The following SLC24A3 variants were observed in gnomAD, a reference collection of about 807,000 sequenced individuals.
SLC24A3 encodes solute carrier family 24 member 3.
Under a neutral mutation model 75.8 loss-of-function variants are expected in SLC24A3, and 28 were observed. The observed-to-expected ratio is 0.37, with a 90% CI of 0.27 to 0.51. The LOEUF (loss-of-function observed/expected upper bound fraction) is 0.51. SLC24A3 is among the 20% of genes least tolerant of loss of function. The pLI is 0.94. For missense variants in SLC24A3, 663 were observed against 847.8 expected, an observed-to-expected ratio of 0.78 and a Z score of 2.71; for synonymous variants, 372 against 334.1, an observed-to-expected ratio of 1.11 and a Z score of -1.24.
At chr20:19,214,552 A>G (rs1215951479) in intron 1 of SLC24A3, among the ~76,000 whole-genome samples, 1 of 152,228 alleles carries the variant, frequency 6.6e-6, no homozygotes, top group Non-Finnish European at 1.5e-5. Flanking sequence ...TCTATGAGAC[A>G]TAGAGTTCCC....
chr20:19,614,127 G>A (rs2031705717), intron 6 of SLC24A3, among the ~76,000 whole-genome samples: 1 of 152,182 alleles, frequency 6.6e-6, no homozygotes, highest in Non-Finnish European at 1.5e-5. Context: ...AATTGAGAGT[G>A]TGATTAAGAG....
chr20:19,341,320 C>T (rs1985268487), intron 2 of SLC24A3, among the ~76,000 whole-genome samples: 1 of 152,082 alleles, frequency 6.6e-6, no homozygotes, highest in African/African-American at 2.4e-5. Flanking sequence ...TGGGACCTGC[C>T]CAGACATAAC....
chr20:19,662,550 G>C (rs2032339595), intron 7 of SLC24A3, among the ~76,000 whole-genome samples: 2 of 152,244 alleles, frequency 1.3e-5, no homozygotes. Context: ...TGGCAGGCTG[G>C]ACATGGAGGG....
rs945619373 is a variant in SLC24A3 at position 19,550,140 on chromosome 20, A to G, written c.349-29860A>G. ...GCTTTGAGTTGCCAAGATAGCATTT[A>G]CTAAATTTGGTCATAAAAAATGTTC... On this transcript the variant is annotated intron_variant, in intron 3 of 16. Coordinates refer to ENST00000328041, the MANE Select transcript of SLC24A3 (RefSeq NM_020689.4). Among the ~76,000 whole-genome samples, 8 of 152,230 alleles carry G rather than the reference A, an allele frequency of 5.3e-5. No homozygotes were observed. The East Asian group carries it at 1.5e-3, about 29-fold the overall frequency.
chr20:19,718,157 T>C (rs910072050), intron 16 of SLC24A3, among the ~76,000 whole-genome samples: 3 of 152,192 alleles, frequency 2.0e-5, no homozygotes, highest in African/African-American at 7.2e-5. Context: ...AGACACAATA[T>C]GTTTTTTCCT....
intron 7 of SLC24A3, among the ~76,000 whole-genome samples, chr20:19,657,225 G>C (rs1760987119): frequency 6.6e-6 from 1 of 152,210 alleles, no homozygotes; most frequent in Non-Finnish European, 1.5e-5. Flanking sequence ...AGAAGAAATA[G>C]AAAAGATAAA....
At chr20:19,306,040 A>G (rs1253294993) in intron 2 of SLC24A3, among the ~76,000 whole-genome samples, 1 of 140,152 alleles carries the variant, frequency 7.1e-6, no homozygotes, top group African/African-American at 2.6e-5. Context: ...CACAAAACAA[A>G]TAACCCATTA....
intron 1 of SLC24A3, among the ~76,000 whole-genome samples, chr20:19,223,694 C>T (rs1305153634): frequency 1.5e-5 from 2 of 137,592 alleles, no homozygotes; most frequent in Non-Finnish European, 3.3e-5. Context: ...CTCAAAATAT[C>T]TTCTTGTACT....
At chr20:19,275,528 G>A (rs1398022007) in intron 1 of SLC24A3, among the ~76,000 whole-genome samples, 1 of 152,172 alleles carries the variant, frequency 6.6e-6, no homozygotes, top group Non-Finnish European at 1.5e-5. Flanking sequence ...GTTCACATAG[G>A]AGACAGTGTT....
chr20:19,282,692 G>A (rs1443385757), intron 2 of SLC24A3, among the ~76,000 whole-genome samples: 7 of 152,210 alleles, frequency 4.6e-5, no homozygotes, highest in African/African-American at 9.6e-5. Context: ...TTCTGGTATG[G>A]GAAAGAATGG....
chr20:19,639,846 A>G (rs1031002347), intron 6 of SLC24A3, among the ~76,000 whole-genome samples: 1 of 152,232 alleles, frequency 6.6e-6, no homozygotes, highest in African/African-American at 2.4e-5. Context: ...TGGGGGACCC[A>G]TTACACCCTC....
At chr20:19,559,304 G>T (rs549023584) in intron 3 of SLC24A3, among the ~76,000 whole-genome samples, 1 of 151,928 alleles carries the variant, frequency 6.6e-6, no homozygotes, top group Admixed American at 6.6e-5. Context: ...TTTTTAATTG[G>T]ATTATTTCTT....
chr20:19,478,787 A>T (rs917816282), intron 2 of SLC24A3, among the ~76,000 whole-genome samples: 13 of 152,226 alleles, frequency 8.5e-5, no homozygotes, highest in African/African-American at 3.1e-4. Context: ...ATGTTACATG[A>T]TGAGGAACTG....
At chr20:19,645,149 A>G (rs2032121628) in intron 6 of SLC24A3, among the ~76,000 whole-genome samples, 1 of 152,204 alleles carries the variant, frequency 6.6e-6, no homozygotes, top group African/African-American at 2.4e-5. Context: ...CACATATATT[A>G]ATGAATCTCT....
chr20:19,214,037 GA>G (rs1334334227), intron 1 of SLC24A3, among the ~76,000 whole-genome samples: 19 of 152,330 alleles, frequency 1.2e-4, no homozygotes, highest in African/African-American at 4.6e-4. Context: ...ATGAGGTGCA[GA>G]ATAAAGACAT....
chr20:19,715,137 A>G (rs1227704726), intron 15 of SLC24A3, among the ~76,000 whole-genome samples: 5 of 152,236 alleles, frequency 3.3e-5, no homozygotes, highest in Non-Finnish European at 5.9e-5. Context: ...AGGGGTTGCC[A>G]TCTTGCTCTG....
chr20:19,241,244 C>T (rs1374910636), intron 1 of SLC24A3, among the ~76,000 whole-genome samples: 1 of 152,198 alleles, frequency 6.6e-6, no homozygotes, highest in Non-Finnish European at 1.5e-5. Flanking sequence ...GTGTGCCTGT[C>T]TCAGACCTGT....
At chr20:19,387,701 T>C (rs1276784797) in intron 2 of SLC24A3, among the ~76,000 whole-genome samples, 2 of 152,214 alleles carry the variant, frequency 1.3e-5, no homozygotes, top group African/African-American at 4.8e-5. Context: ...ATGATTTCAG[T>C]CTTCTTGAAT....
intron 2 of SLC24A3, among the ~76,000 whole-genome samples, chr20:19,455,178 A>C (rs1443664751): frequency 2.6e-5 from 4 of 152,212 alleles, no homozygotes; most frequent in African/African-American, 9.7e-5. Context: ...CCTGTGAGCA[A>C]AAGCGGGACC....
Sources: allele counts gnomAD v4.1 joint callset (sites outside exome capture counted in the v4.1 genomes callset), GRCh38; gene constraint gnomAD v4.1.1; transcripts MANE v1.5; gene names NCBI Gene and HGNC (gene_info 2026-07-23, HGNC 2026-07-21).